The following ZNF718 variants were observed in gnomAD, a reference collection of about 807,000 sequenced individuals.
ZNF718 encodes zinc finger protein 718.
Under a neutral mutation model 2.6 loss-of-function variants are expected in ZNF718, and 3 were observed. That is an observed-to-expected ratio of 1.16 (90% CI 0.53 to 3.01). ZNF718 has a LOEUF of 3.01. Among genes scored for constraint, ZNF718 ranks in the 30% most tolerant of loss-of-function variants. ZNF718 has a pLI of 0.03. For missense variants in ZNF718, 468 were observed against 230.0 expected (o/e 2.03, Z -6.69); for synonymous variants, 135 against 77.9 (o/e 1.73, Z -3.86).
chr4:133,177 TAAAAA>T (rs1189716766), intron 3 of ZNF718, among the ~76,000 whole-genome samples: 1 of 12,538 alleles, frequency 8.0e-5, no homozygotes, highest in African/African-American at 2.8e-4. Flanking sequence ...GACTCCATCT[TAAAAA>T]AAAAAAAAAA....
chr4:162,334 A>G lies in ZNF718; in HGVS notation c.*212A>G, dbSNP rs939774944. ...AAATGCTTGTCACATATTACTGAAT[A>G]TAATTCTTACTGCAGAAAACCCCTA... On this transcript the variant is annotated 3_prime_UTR_variant, in exon 4 of 4. Transcript: ENST00000510175. 3.7e-5 allele frequency: 16 copies of G among 429,742 alleles called. No individual in the cohort carries two copies. The highest frequency in any genetic ancestry group is 6.6e-5 in the Non-Finnish European group (16 of 243,090). The allele number at this position is 429,742 out of a possible 1,614,324, so 26.6% of individuals were successfully genotyped here.
At chr4:174,098 A>G (rs1474158574) in intron 3 of ZNF718, among the ~76,000 whole-genome samples, 3 of 152,114 alleles carry the variant, frequency 2.0e-5, no homozygotes, top group African/African-American at 7.2e-5. Flanking sequence ...AAATTCCTCT[A>G]CATTCCTTTG....
intron 3 of ZNF718, among the ~76,000 whole-genome samples, chr4:200,148 T>A (rs909752460): frequency 6.6e-6 from 1 of 152,244 alleles, no homozygotes; most frequent in Non-Finnish European, 1.5e-5. Context: ...AAGATCAGTT[T>A]ATATACACAA....
intron 3 of ZNF718, among the ~76,000 whole-genome samples, chr4:200,081 A>G (rs879972912): frequency 2.6e-5 from 4 of 152,236 alleles, no homozygotes; most frequent in African/African-American, 7.2e-5. Context: ...ATTTTGTGAA[A>G]AACTTAGAAT....
rs1282163633 is a variant in ZNF718, at chr4:164,071, A to G, written c.*1949A>G. On this transcript the variant is annotated 3_prime_UTR_variant, in exon 4 of 4. Transcript: ENST00000510175. Reference sequence around the variant, plus strand: ...AATTAAATTATTTTTTATTACAGGTAATTTTATGATTGTATTTAGAATTAT... The same window carrying G: ...AATTAAATTATTTTTTATTACAGGTGATTTTATGATTGTATTTAGAATTAT... 1 of 152,024 alleles carries G rather than the reference A, an allele frequency of 6.6e-6. No homozygotes were observed. Among genetic ancestry groups the G allele is most frequent in the Non-Finnish European group, 1.5e-5 (1 of 67,938 alleles). The allele number at this position is 152,024 out of a possible 1,614,324, so 9.4% of individuals were successfully genotyped here.
chr4:143,065 T>C (rs1715883132), intron 3 of ZNF718, among the ~76,000 whole-genome samples: 1 of 152,296 alleles, frequency 6.6e-6, no homozygotes, highest in South Asian at 2.1e-4. Flanking sequence ...CGTGCAACCA[T>C]GAGAACACCG....
chr4:125,486 ACACCC>A (rs1715166244), intron 1 of ZNF718, among the ~76,000 whole-genome samples: 1 of 152,106 alleles, frequency 6.6e-6, no homozygotes, highest in Admixed American at 6.5e-5. Context: ...GAGTTGCTGG[ACACCC>A]CGTTGGGGTT....
intron 1 of ZNF718, among the ~76,000 whole-genome samples, chr4:125,636 G>T (rs539614624): frequency 2.6e-5 from 4 of 152,166 alleles, no homozygotes; most frequent in Non-Finnish European, 4.4e-5. Context: ...TGTCCCGCTG[G>T]GCACTGTCCT....
chr4:179,322 T>C (rs562461409), intron 3 of ZNF718, among the ~76,000 whole-genome samples: 3 of 152,294 alleles, frequency 2.0e-5, no homozygotes, highest in Non-Finnish European at 4.4e-5. Flanking sequence ...TGAGGTGTGG[T>C]ACCTCTAACT....
At chr4:158,382 C>T (rs1716671049) in intron 3 of ZNF718, among the ~76,000 whole-genome samples, 1 of 151,838 alleles carries the variant, frequency 6.6e-6, no homozygotes, top group African/African-American at 2.4e-5. Flanking sequence ...AAATAATTTG[C>T]TGACAGAAAG....
rs782745999 is a variant in ZNF718, at chr4:161,669, A to T, written c.984A>T (p.Lys328Asn). 1.9e-5 allele frequency: 15 copies of T among 779,480 alleles called. No homozygotes were observed. Among genetic ancestry groups the T allele is most frequent in the Middle Eastern group, 2.2e-4 (1 of 4,462 alleles). 48.3% of individuals were successfully genotyped at this position (779,480 alleles called of 1,614,324 possible). The part of the protein sequence containing the change: ...NVFTTSSDFA[K>N]HKRIHTGEKP... ...TTACCACATCCTCAGACTTTGCTAAACATAAGAGAATTCATACAGGAGAGA... is the reference window on the plus strand; with the variant it reads ...TTACCACATCCTCAGACTTTGCTAATCATAAGAGAATTCATACAGGAGAGA... The change falls in exon 4 of 4, where the codon AAA (lysine) becomes AAT (asparagine). Residue 328 changes from lysine (K) to asparagine (N), a missense_variant. Lys to Asn is a moderately conservative substitution (Grantham distance 94). Transcript: ENST00000510175.
Position 161,563 on chromosome 4 carries a change from A to G in ZNF718, c.878A>G (p.Lys293Arg). Residue 293 changes from lysine (K) to arginine (R), a missense_variant, in exon 4 of 4, where the codon AAG (lysine) becomes AGG (arginine). Physicochemically the swap from Lys to Arg is conservative, Grantham distance 26. Coordinates refer to ENST00000510175, the MANE Select transcript of ZNF718 (RefSeq NM_001039127.6). ...YKCEECGKAF[K>R]WSSSLNEHKR... Reference sequence around the variant, plus strand: ...TGTGAAGAATGTGGTAAAGCCTTTAAGTGGTCCTCATCCCTTAATGAACAT... The same window carrying G: ...TGTGAAGAATGTGGTAAAGCCTTTAGGTGGTCCTCATCCCTTAATGAACAT... 1.3e-6 allele frequency: 1 copy of G among 780,956 alleles called. No homozygotes were observed. Among genetic ancestry groups the G allele is most frequent in the Non-Finnish European group, 2.4e-6 (1 of 418,050 alleles). 48.4% of individuals were successfully genotyped at this position (780,956 alleles called of 1,614,324 possible).
chr4:124,525 G>C lies in ZNF718; in HGVS notation c.-146G>C, dbSNP rs1715101334. On this transcript the variant is annotated 5_prime_UTR_variant, in exon 1 of 4. Coordinates refer to ENST00000510175, the MANE Select transcript of ZNF718 (RefSeq NM_001039127.6). ...CGGCTTTTGCTTGTAGCTCCAGCCA[G>C]AGCTCGGTTAGGGCCTCATCGCTCT... 7 of 1,155,998 alleles carry C rather than the reference G, an allele frequency of 6.1e-6. No homozygotes were observed. Among genetic ancestry groups the C allele is most frequent in the Non-Finnish European group, 8.9e-6 (7 of 786,888 alleles). 71.6% of individuals were successfully genotyped at this position (1,155,998 alleles called of 1,614,324 possible).
chr4:197,315 C>T (rs1353381687), intron 3 of ZNF718, among the ~76,000 whole-genome samples: 59 of 151,662 alleles, frequency 3.9e-4, no homozygotes, highest in African/African-American at 1.4e-3. Context: ...GAGGCTTGAG[C>T]CCCATTTTTC....
At chr4:126,785 C>G (rs1308804579) in intron 1 of ZNF718, among the ~76,000 whole-genome samples, 2 of 149,274 alleles carry the variant, frequency 1.3e-5, no homozygotes, top group African/African-American at 4.9e-5. Context: ...TCTTGCTGTT[C>G]TATTATGGTG....
At chr4:141,996 A>AG (rs782658661) in intron 3 of ZNF718, 9 of 519,616 alleles carry the variant, frequency 1.7e-5, no homozygotes, top group South Asian at 1.3e-4. Flanking sequence ...CAGGTAAAAA[A>AG]GCTTTTTATG....
intron 3 of ZNF718, among the ~76,000 whole-genome samples, chr4:158,278 G>C (rs1224676534): frequency 6.6e-6 from 1 of 151,950 alleles, no homozygotes; most frequent in Non-Finnish European, 1.5e-5. Context: ...TAAGTGACTT[G>C]TAGAAAAGCA....
At chr4:179,243 ATTTG>A (rs1717409029) in intron 3 of ZNF718, among the ~76,000 whole-genome samples, 1 of 152,148 alleles carries the variant, frequency 6.6e-6, no homozygotes, top group Non-Finnish European at 1.5e-5. Context: ...TCCATCAACC[ATTTG>A]TTTGTCTTTA....
intron 3 of ZNF718, among the ~76,000 whole-genome samples, chr4:158,481 A>G (rs1716675403): frequency 9.3e-6 from 1 of 107,606 alleles, no homozygotes; most frequent in African/African-American, 3.2e-5. Flanking sequence ...TTTTGTATTG[A>G]TAGGCCCTTA....
Sources: gnomAD v4.1 joint callset for allele counts (sites outside exome capture counted in the v4.1 genomes callset) on GRCh38, gnomAD v4.1.1 for gene constraint, MANE v1.5 for transcripts, NCBI Gene and HGNC (gene_info 2026-07-23, HGNC 2026-07-21) for gene names.